GPR39: variants seen among roughly 807,000 people sequenced by gnomAD.
The protein encoded by GPR39 is zinc sensing receptor.
A neutral mutation model predicts 18.4 loss-of-function variants in GPR39; 23 were observed. The observed-to-expected ratio is 1.25, with a 90% confidence interval of 0.90 to 1.77. The LOEUF (loss-of-function observed/expected upper bound fraction) is 1.77. GPR39 is among the 40% of genes most tolerant of loss of function. The pLI is 0.00. For synonymous variants in GPR39, 280 were observed against 257.9 expected (o/e 1.09, Z -0.82); for missense variants, 647 against 602.4 (o/e 1.07, Z -0.78).
intron 1 of GPR39, among the ~76,000 whole-genome samples, chr2:132,519,925 A>G (rs540107549): frequency 2.6e-5 from 4 of 152,212 alleles, no homozygotes; most frequent in Admixed American, 1.3e-4. Context: ...CTAAAATGCA[A>G]ATGGGACCCC....
At chr2:132,551,284 A>G (rs549839020) in intron 1 of GPR39, among the ~76,000 whole-genome samples, 14 of 151,664 alleles carry the variant, frequency 9.2e-5, no homozygotes, top group South Asian at 8.4e-4. Flanking sequence ...TTATTGGGGG[A>G]AAAAAAAACT....
At chr2:132,425,457 C>A (rs367970640) in intron 1 of GPR39, among the ~76,000 whole-genome samples, 1 of 152,186 alleles carries the variant, frequency 6.6e-6, no homozygotes, top group Non-Finnish European at 1.5e-5. Flanking sequence ...AGCACCCTCA[C>A]TGTGATCCTC....
At chr2:132,607,095 C>T (rs72985817) in intron 1 of GPR39, among the ~76,000 whole-genome samples, 1,885 of 152,220 alleles carry the variant, frequency 0.012, 52 homozygotes, top group African/African-American at 0.043. Context: ...AGAAAGCTTC[C>T]ATGGTGTAGA....
chr2:132,493,435 A>C (rs1681557356), intron 1 of GPR39, among the ~76,000 whole-genome samples: 1 of 147,532 alleles, frequency 6.8e-6, no homozygotes, highest in South Asian at 2.1e-4. Context: ...CCATATATAC[A>C]CACACCATAT....
intron 1 of GPR39, among the ~76,000 whole-genome samples, chr2:132,513,780 C>T (rs564291774): frequency 6.6e-6 from 1 of 152,300 alleles, no homozygotes; most frequent in South Asian, 2.1e-4. Context: ...GGTGCATTCA[C>T]AGCTCATGGC....
In GPR39 at chr2:132,645,944, C is replaced by T. The variant is rs531176133; in HGVS notation, c.*338C>T. The stretch of plus-strand genomic sequence containing the variant: ...AGAACACGGACTCCCGCTCCCTACC[C>T]AGAATAAAAGGACACCCAGAAGAAA... On this transcript the variant is annotated 3_prime_UTR_variant, in exon 2 of 2. Coordinates refer to ENST00000329321, the MANE Select transcript of GPR39 (RefSeq NM_001508.3). The T allele has an allele frequency of 1.5e-5, 13 of 881,066 alleles. No homozygotes were observed. In the East Asian group the frequency reaches 3.0e-4, roughly 20 times the overall value. The allele number at this position is 881,066 out of a possible 1,614,324, so 54.6% of individuals were successfully genotyped here.
intron 1 of GPR39, among the ~76,000 whole-genome samples, chr2:132,602,380 A>G (rs936022073): frequency 1.3e-5 from 2 of 152,176 alleles, no homozygotes; most frequent in African/African-American, 4.8e-5. Flanking sequence ...ATATACAAAA[A>G]TTAATTCAAA....
chr2:132,596,741 C>T (rs1282725490), intron 1 of GPR39, among the ~76,000 whole-genome samples: 1 of 152,202 alleles, frequency 6.6e-6, no homozygotes, highest in African/African-American at 2.4e-5. Flanking sequence ...CATTATATCA[C>T]CCGAGAAGTT....
chr2:132,574,212 T>C (rs1231019205), intron 1 of GPR39, among the ~76,000 whole-genome samples: 2 of 152,254 alleles, frequency 1.3e-5, no homozygotes, highest in East Asian at 1.9e-4. Context: ...TGAGGCAGTG[T>C]TGAATGAATG....
At chr2:132,621,637 C>T (rs1344468212) in intron 1 of GPR39, among the ~76,000 whole-genome samples, 1 of 152,134 alleles carries the variant, frequency 6.6e-6, no homozygotes, top group Non-Finnish European at 1.5e-5. Context: ...CAAGTAGGGA[C>T]AGCTGGGGTG....
intron 1 of GPR39, among the ~76,000 whole-genome samples, chr2:132,559,573 C>T (rs1471201091): frequency 6.6e-6 from 1 of 151,988 alleles, no homozygotes; most frequent in African/African-American, 2.4e-5. Context: ...GAAGCACGCT[C>T]AGGGCAGCAA....
rs1015467708 is a variant in GPR39, at chr2:132,469,671, A to G, written c.856+51773A>G. 2.4e-4 allele frequency among the ~76,000 whole-genome samples: 37 copies of G among 152,304 alleles called. 2 individuals carry two copies. The South Asian group carries it at 2.5e-3, about 10-fold the overall frequency. On this transcript the variant is annotated intron_variant, in intron 1 of 1. Transcript: ENST00000329321. ...TCCACCTGCCCCAGACAGTGCAATC[A>G]GCAGCCTTCACTCCCGCAGGGAGGG... is the stretch of plus-strand genomic sequence containing the variant.
At chr2:132,553,586 T>C (rs975669373) in intron 1 of GPR39, among the ~76,000 whole-genome samples, 1 of 151,932 alleles carries the variant, frequency 6.6e-6, no homozygotes. Flanking sequence ...TAGACAAGCA[T>C]AGAGACCCTC....
At chr2:132,620,974 G>A (rs1355832828) in intron 1 of GPR39, among the ~76,000 whole-genome samples, 9 of 152,038 alleles carry the variant, frequency 5.9e-5, no homozygotes, top group African/African-American at 1.7e-4. Context: ...GGATGGTCTC[G>A]ATCACCTGAC....
intron 1 of GPR39, among the ~76,000 whole-genome samples, chr2:132,485,659 T>C (rs56354045): frequency 0.016 from 2,511 of 152,302 alleles, 61 homozygotes; most frequent in African/African-American, 0.056. Context: ...AGAAGTAACT[T>C]CTCGTCCATT....
At chr2:132,570,699 C>T (rs1000161846) in intron 1 of GPR39, among the ~76,000 whole-genome samples, 3 of 152,168 alleles carry the variant, frequency 2.0e-5, no homozygotes, top group Admixed American at 6.5e-5. Context: ...TCCTAGCCCT[C>T]GGCAGTGTGG....
At chr2:132,482,305 T>G (rs1227998303) in intron 1 of GPR39, among the ~76,000 whole-genome samples, 3 of 152,234 alleles carry the variant, frequency 2.0e-5, no homozygotes, top group Non-Finnish European at 4.4e-5. Flanking sequence ...TTTGACCCAG[T>G]GTTCACAGAT....
intron 1 of GPR39, among the ~76,000 whole-genome samples, chr2:132,593,545 G>C (rs1680884054): frequency 6.6e-6 from 1 of 152,172 alleles, no homozygotes; most frequent in Non-Finnish European, 1.5e-5. Flanking sequence ...CTGAGGAGAA[G>C]AGCCAGCCAA....
chr2:132,422,399 C>T (rs1257409964), intron 1 of GPR39, among the ~76,000 whole-genome samples: 4 of 152,220 alleles, frequency 2.6e-5, no homozygotes, highest in Non-Finnish European at 5.9e-5. Context: ...AAAAACCAAT[C>T]CCTATACTCT....
Sources: gnomAD v4.1 joint callset for allele counts (sites outside exome capture counted in the v4.1 genomes callset) on GRCh38, gnomAD v4.1.1 for gene constraint, MANE v1.5 for transcripts, NCBI Gene and HGNC (gene_info 2026-07-23, HGNC 2026-07-21) for gene names.